Variants in NUDT1 observed in about 807,000 individuals in gnomAD.
NUDT1 encodes the protein nudix hydrolase 1.
A neutral mutation model predicts 11.3 loss-of-function variants in NUDT1; 16 were observed. That is an observed-to-expected ratio of 1.41 (90% CI 0.96 to 2.15). The LOEUF (loss-of-function observed/expected upper bound fraction) is 2.15. NUDT1 is among the 30% of genes most tolerant of loss of function. The pLI is 0.00. For missense variants in NUDT1, 234 were observed against 208.4 expected (o/e 1.12, Z -0.76); for synonymous variants, 101 against 84.4 (o/e 1.20, Z -1.08).
chr7:2,242,896 C>T, intron 1 of NUDT1: 1 of 703,936 alleles, frequency 1.4e-6, no homozygotes, highest in African/African-American at 1.7e-5. Context: ...TGCCTTATCG[C>T]AAGGACAGAG....
intron 1 of NUDT1, chr7:2,242,866 TAGTC>T: frequency 1.4e-6 from 1 of 692,146 alleles, no homozygotes; most frequent in Admixed American, 2.0e-5. Context: ...TGGCTTGTGT[TAGTC>T]AGCTGTTAGA....
chr7:2,250,153 A>G (rs1174201872), intron 3 of NUDT1, 151 bp downstream of exon 3: 8 of 1,037,496 alleles, frequency 7.7e-6, no homozygotes, highest in Non-Finnish European at 1.1e-5. Context: ...GGGGCCCATG[A>G]GCCGTGGTCT....
At chr7:2,242,888 C>A (rs1794604741) in intron 1 of NUDT1, 1 of 701,486 alleles carries the variant, frequency 1.4e-6, no homozygotes, top group South Asian at 1.5e-5. Context: ...AGACTCCCTG[C>A]CTTATCGCAA....
intron 2 of NUDT1, among the ~76,000 whole-genome samples, chr7:2,246,508 CT>C (rs1794771716): frequency 6.6e-6 from 1 of 152,212 alleles, no homozygotes; most frequent in Non-Finnish European, 1.5e-5. Context: ...GGCAGCGGTG[CT>C]GAGGAGGCTG....
chr7:2,244,080 G>A (rs766168792), intron 1 of NUDT1, among the ~76,000 whole-genome samples: 1 of 152,214 alleles, frequency 6.6e-6, no homozygotes, highest in Non-Finnish European at 1.5e-5. Context: ...CTGCTACAGA[G>A]AGGCCAGGTC....
At chr7:2,250,219 A>G (rs1376195891) in intron 3 of NUDT1, among the ~76,000 whole-genome samples, 1 of 152,202 alleles carries the variant, frequency 6.6e-6, no homozygotes, top group Non-Finnish European at 1.5e-5. Context: ...CCCTAAAATG[A>G]GAAACACGGT....
At chr7:2,244,451 T>TTGGCCCCCCCC in intron 1 of NUDT1, 112 bp from the exon 2 acceptor site, 1 of 981,626 alleles carries the variant, frequency 1.0e-6, no homozygotes, top group Non-Finnish European at 1.5e-6. Context: ...AGTTACAGCA[T>TTGGCCCCCCCC]ACCCCCCCGC....
chr7:2,243,091 T>C, intron 1 of NUDT1: 2 of 698,238 alleles, frequency 2.9e-6, no homozygotes, highest in Non-Finnish European at 5.3e-6. Context: ...GCCTGGGCTC[T>C]CCTCTGACCG....
At chr7:2,243,268 A>G (rs1388308680) in intron 1 of NUDT1, among the ~76,000 whole-genome samples, 1 of 152,152 alleles carries the variant, frequency 6.6e-6, no homozygotes, top group Non-Finnish European at 1.5e-5. Flanking sequence ...GGGAAATGCA[A>G]CATTTGGGCA....
chr7:2,246,886 T>C (rs1345529118), intron 2 of NUDT1, among the ~76,000 whole-genome samples: 1 of 152,050 alleles, frequency 6.6e-6, no homozygotes, highest in Non-Finnish European at 1.5e-5. Context: ...CAAAGTGCTG[T>C]GATTACAGGC....
intron 3 of NUDT1, among the ~76,000 whole-genome samples, chr7:2,250,420 T>G (rs1794946950): frequency 6.6e-6 from 1 of 150,982 alleles, no homozygotes; most frequent in African/African-American, 2.4e-5. Flanking sequence ...GGCAACACAG[T>G]GAGACCCCAT....
chr7:2,247,617 T>C (rs909738680), intron 2 of NUDT1, among the ~76,000 whole-genome samples: 1 of 152,198 alleles, frequency 6.6e-6, no homozygotes, highest in Non-Finnish European at 1.5e-5. Flanking sequence ...TTTCATGTAT[T>C]TCTCACCCTG....
At chr7:2,250,649 G>A (rs958522478) in intron 3 of NUDT1, among the ~76,000 whole-genome samples, 180 bp from the exon 4 acceptor site, 7 of 146,022 alleles carry the variant, frequency 4.8e-5, no homozygotes, top group African/African-American at 7.5e-5. Context: ...TAGTAGAGAC[G>A]GGGTTTCACC....
chr7:2,248,145 G>A (rs1409264908), intron 2 of NUDT1: 1 of 152,386 alleles, frequency 6.6e-6, no homozygotes, highest in Admixed American at 6.5e-5. Context: ...CTTGAGCCCA[G>A]GAGTTCAGGA....
chr7:2,248,797 C>T (rs769187667), intron 2 of NUDT1, among the ~76,000 whole-genome samples: 1 of 152,170 alleles, frequency 6.6e-6, no homozygotes, highest in African/African-American at 2.4e-5. Flanking sequence ...AGCAATCAAT[C>T]CTCCCACCTT....
chr7:2,244,493 C>T (rs1000242818), intron 1 of NUDT1, 70 bp from the exon 2 acceptor site: 1 of 1,419,088 alleles, frequency 7.0e-7, no homozygotes, highest in Non-Finnish European at 9.4e-7. Flanking sequence ...CGTCCCCTTC[C>T]TCCTGGCCCC....
intron 1 of NUDT1, among the ~76,000 whole-genome samples, chr7:2,244,002 G>C (rs569546005): frequency 6.6e-6 from 1 of 152,094 alleles, no homozygotes; most frequent in Non-Finnish European, 1.5e-5. Context: ...TCACAGGAGG[G>C]AGGACTAGCC....
Position 2,251,001 on chromosome 7 carries a change from G to A in NUDT1, c.471G>A (p.Ter157=), listed in dbSNP as rs780576043. ...DYTLREVDTV[*] ...CACTCCGCGAGGTGGACACGGTCTA[G>A]CGGGAGCCCAGGGCAGCCCCTGGGC... The change falls in exon 4 of 4, where the codon TAG becomes TAA. Residue 157 remains the stop codon, a stop_retained_variant. Coordinates refer to ENST00000356714, the MANE Select transcript of NUDT1 (RefSeq NM_002452.4). 6 of 1,613,746 alleles carry A rather than the reference G, an allele frequency of 3.7e-6. No individual in the cohort carries two copies. In the South Asian group the frequency reaches 5.5e-5, roughly 15 times the overall value.
chr7:2,248,587 G>A (rs1794861331), intron 2 of NUDT1, among the ~76,000 whole-genome samples: 2 of 144,470 alleles, frequency 1.4e-5, no homozygotes, highest in Admixed American at 7.1e-5. Context: ...GGTCTAGCTC[G>A]GTTGCCCAGG....
Sources: gnomAD v4.1 joint callset for allele counts (sites outside exome capture counted in the v4.1 genomes callset) on GRCh38, gnomAD v4.1.1 for gene constraint, MANE v1.5 for transcripts, NCBI Gene and HGNC (gene_info 2026-07-23, HGNC 2026-07-21) for gene names.